The following STMND1 variants were observed in gnomAD, a reference collection of about 807,000 sequenced individuals.
The protein encoded by STMND1 is stathmin domain-containing protein 1.
A neutral mutation model predicts 23.0 loss-of-function variants in STMND1; 17 were observed. The ratio of observed to expected loss-of-function variants is 0.74; its 90% confidence interval spans 0.51 to 1.11. The LOEUF (loss-of-function observed/expected upper bound fraction) is 1.11. Among genes scored for constraint, STMND1 ranks in the 50% least tolerant of loss-of-function variants. The probability of loss-of-function intolerance (pLI) is 0.00; values close to 1 mark genes in which losing one functional copy is unlikely to be tolerated. For synonymous variants in STMND1, 114 were observed against 119.9 expected (o/e 0.95, Z 0.32); for missense variants, 305 against 329.1 (o/e 0.93, Z 0.57).
Position 17,115,033 on chromosome 6 carries a change from T to C in STMND1, c.153T>C (p.Thr51=). ...PRMEAALTKN[T]VDIAEGLEQV... ...TGGAAGCTGCTCTGACCAAGAATAC[T>C]GTGGACATTGCAGAAGGCCTGGAAC... The change falls in exon 2 of 5, where the codon ACT becomes ACC. Residue 51 remains threonine, a synonymous_variant. Transcript: ENST00000536551. 2.6e-6 allele frequency: 4 copies of C among 1,535,940 alleles called. No homozygotes were observed. Among genetic ancestry groups the C allele is most frequent in the Non-Finnish European group, 3.5e-6 (4 of 1,146,806 alleles).
At chr6:17,104,827 G>T (rs1760996908) in intron 1 of STMND1, among the ~76,000 whole-genome samples, 1 of 152,146 alleles carries the variant, frequency 6.6e-6, no homozygotes, top group African/African-American at 2.4e-5. Flanking sequence ...TTTATTTGTT[G>T]TGTGACCTTT....
At chr6:17,129,399 T>C (rs1357572431) in intron 4 of STMND1, among the ~76,000 whole-genome samples, 156 bp downstream of exon 4, 1 of 151,984 alleles carries the variant, frequency 6.6e-6, no homozygotes, top group Non-Finnish European at 1.5e-5. Context: ...AAAGACAAAG[T>C]CTCACTATGT....
intron 3 of STMND1, among the ~76,000 whole-genome samples, chr6:17,124,945 G>A (rs10949404): frequency 0.31 from 46,186 of 151,294 alleles, 7,244 homozygotes; most frequent in Middle Eastern, 0.35. Flanking sequence ...GCTGCAATAA[G>A]CCTTGATTAT....
chr6:17,130,861 G>A lies in STMND1; in HGVS notation c.811G>A (p.Ala271Thr). The change falls in exon 5 of 5, where the codon GCA (alanine) becomes ACA (threonine). Residue 271 changes from alanine to threonine, a missense_variant. By Grantham distance (58) the Ala-to-Thr change is moderately conservative. Transcript: ENST00000536551. ...VVESDMSYNQ[A>T]DDIVY ...GGAGTCAGACATGTCCTACAACCAA[G>A]CAGATGACATAGTCTACTAAGCCAT... 1 of 1,529,376 alleles carries A rather than the reference G, an allele frequency of 6.5e-7. No homozygotes were observed. Among genetic ancestry groups the A allele is most frequent in the South Asian group, 1.2e-5 (1 of 83,354 alleles). 94.7% of individuals were successfully genotyped at this position (1,529,376 alleles called of 1,614,324 possible).
Position 17,126,057 on chromosome 6 carries a change from TATATATATA to T in STMND1, c.412-3054_412-3046del, listed in dbSNP as rs1381938095. Among the ~76,000 whole-genome samples, 49 of 28,246 alleles carry T rather than the reference TATATATATA, an allele frequency of 1.7e-3. 1 individual carries two copies. The highest frequency in any genetic ancestry group is 0.013 in the East Asian group (10 of 792). The allele number at this position is 28,246 out of a possible 152,430, so 18.5% of individuals were successfully genotyped here. ...TTTTATATATATATATATATATATATATATATATATATATTTTTTTTTTTTTTTTTTTTT... is the reference window on the plus strand; with the variant it reads ...TTTTATATATATATATATATATATATTATATTTTTTTTTTTTTTTTTTTTT... On this transcript the variant is annotated intron_variant, in intron 3 of 4. Transcript: ENST00000536551.
chr6:17,117,031 A>G (rs1192217379), intron 2 of STMND1, among the ~76,000 whole-genome samples: 1 of 152,056 alleles, frequency 6.6e-6, no homozygotes, highest in Non-Finnish European at 1.5e-5. Flanking sequence ...TCTTTGCATA[A>G]TCACTATACA....
At chr6:17,106,204 T>G (rs1225420902) in intron 1 of STMND1, among the ~76,000 whole-genome samples, 1 of 152,198 alleles carries the variant, frequency 6.6e-6, no homozygotes, top group Non-Finnish European at 1.5e-5. Context: ...CCTGAAGCTC[T>G]TCATGACCTC....
chr6:17,126,036 A>T lies in STMND1; in HGVS notation c.412-3076A>T, dbSNP rs867727852. Among the ~76,000 whole-genome samples, 205 of 20,878 alleles carry T rather than the reference A, an allele frequency of 9.8e-3. 3 individuals are homozygous for T. Among genetic ancestry groups the T allele is most frequent in the African/African-American group, 0.052 (190 of 3,652 alleles). The allele number at this position is 20,878 out of a possible 152,430, so 13.7% of individuals were successfully genotyped here. A position where few individuals can be genotyped will look rare whatever the true frequency, so the allele number is the denominator to read the frequency against. ...CTAAGCATAAGGTGATCATTGTTTT[A>T]TATATATATATATATATATATATAT... On this transcript the variant is annotated intron_variant, in intron 3 of 4. Coordinates refer to ENST00000536551, the MANE Select transcript of STMND1 (RefSeq NM_001190766.2).
At chr6:17,121,507 C>A (rs1438265797) in intron 3 of STMND1, among the ~76,000 whole-genome samples, 1 of 152,110 alleles carries the variant, frequency 6.6e-6, no homozygotes, top group East Asian at 1.9e-4. Context: ...ATAGGCCTGA[C>A]AAGTGTTTGA....
At chr6:17,102,381 G>A (rs1162342193) in intron 1 of STMND1, 43 bp downstream of exon 1, 1 of 1,533,442 alleles carries the variant, frequency 6.5e-7, no homozygotes, top group Non-Finnish European at 8.7e-7. Context: ...CAGACAGAAA[G>A]CCTTTTGCCT....
At chr6:17,130,118 G>A in intron 4 of STMND1, among the ~76,000 whole-genome samples, 1 of 152,138 alleles carries the variant, frequency 6.6e-6, no homozygotes, top group East Asian at 1.9e-4. Context: ...CATCCATATA[G>A]CCTAAGTAAG....
chr6:17,120,556 A>G lies in STMND1; in HGVS notation c.260-51A>G, dbSNP rs767097624. 1.8e-4 allele frequency: 250 copies of G among 1,406,650 alleles called. 1 individual carries two copies. In the Middle Eastern group the frequency reaches 2.0e-3, roughly 11 times the overall value. The allele number at this position is 1,406,650 out of a possible 1,614,324, so 87.1% of individuals were successfully genotyped here. On this transcript the variant is annotated intron_variant, in intron 2 of 4. Transcript: ENST00000536551. Reference sequence around the variant, plus strand: ...ATCCGTTTAGCATTTGATTGAAAAAATCTTCATTCTTAAATTTTGCTTTCT... The same window carrying G: ...ATCCGTTTAGCATTTGATTGAAAAAGTCTTCATTCTTAAATTTTGCTTTCT...
At chr6:17,120,559 T>C (rs750124905) in intron 2 of STMND1, 48 bp from the exon 3 acceptor site, 226 of 1,416,816 alleles carry the variant, frequency 1.6e-4, no homozygotes, top group South Asian at 2.8e-4. Flanking sequence ...TGAAAAAATC[T>C]TCATTCTTAA....
At position 17,126,031 on chromosome 6, in the gene STMND1, G is replaced by GTT. The variant is rs202101603; in HGVS notation, c.412-3078_412-3077dup. 3.6e-3 allele frequency among the ~76,000 whole-genome samples: 123 copies of GTT among 34,104 alleles called. 2 individuals carry two copies. The highest frequency in any genetic ancestry group is 0.016 in the African/African-American group (119 of 7,422). 22.4% of individuals were successfully genotyped at this position (34,104 alleles called of 152,430 possible). On this transcript the variant is annotated intron_variant, in intron 3 of 4. Transcript: ENST00000536551. Reference sequence around the variant, plus strand: ...CCTCTCTAAGCATAAGGTGATCATTGTTTTATATATATATATATATATATA... The same window carrying GTT: ...CCTCTCTAAGCATAAGGTGATCATTGTTTTTTATATATATATATATATATATA...
At chr6:17,103,287 T>C (rs80292973) in intron 1 of STMND1, among the ~76,000 whole-genome samples, 2,716 of 152,284 alleles carry the variant, frequency 0.018, 82 homozygotes, top group African/African-American at 0.062. Context: ...CGAAGGGTCA[T>C]TTTTGGAGCT....
At chr6:17,119,649 G>T (rs571398965) in intron 2 of STMND1, among the ~76,000 whole-genome samples, 2 of 151,384 alleles carry the variant, frequency 1.3e-5, no homozygotes, top group South Asian at 4.2e-4. Context: ...GCAGTGAGAT[G>T]AGATCTCGCC....
At chr6:17,124,404 C>G (rs1477578058) in intron 3 of STMND1, among the ~76,000 whole-genome samples, 1 of 152,136 alleles carries the variant, frequency 6.6e-6, no homozygotes, top group Non-Finnish European at 1.5e-5. Flanking sequence ...TGCTTCTTAG[C>G]CAGGTCATTA....
chr6:17,103,967 TTC>T (rs1333563059), intron 1 of STMND1, among the ~76,000 whole-genome samples: 1 of 152,138 alleles, frequency 6.6e-6, no homozygotes, highest in African/African-American at 2.4e-5. Context: ...AGGGAAAAAT[TTC>T]TCTTCGTGTG....
At chr6:17,124,034 A>C (rs1477749019) in intron 3 of STMND1, among the ~76,000 whole-genome samples, 2 of 152,180 alleles carry the variant, frequency 1.3e-5, no homozygotes, top group Non-Finnish European at 2.9e-5. Flanking sequence ...AATACTTTGA[A>C]TATCTAATGT....
Sources: gnomAD v4.1 joint callset for allele counts (sites outside exome capture counted in the v4.1 genomes callset) on GRCh38, gnomAD v4.1.1 for gene constraint, MANE v1.5 for transcripts, NCBI Gene and HGNC (gene_info 2026-07-23, HGNC 2026-07-21) for gene names.